TTC6: variants seen among roughly 807,000 people sequenced by gnomAD.
The protein encoded by TTC6 is tetratricopeptide repeat protein 6.
Under a neutral mutation model 210.4 loss-of-function variants are expected in TTC6, and 172 were observed. That is an observed-to-expected ratio of 0.82 (90% CI 0.72 to 0.93). TTC6 has a LOEUF of 0.93. TTC6 is among the 40% of genes least tolerant of loss of function. The pLI is 0.00. For synonymous variants in TTC6, 804 were observed against 819.6 expected, an observed-to-expected ratio of 0.98 and a Z score of 0.32; for missense variants, 2,414 against 2,318.1, an observed-to-expected ratio of 1.04 and a Z score of -0.85.
chr14:37,711,044 G>C (rs2095843825), intron 5 of TTC6, among the ~76,000 whole-genome samples: 1 of 152,012 alleles, frequency 6.6e-6, no homozygotes. Flanking sequence ...GGTCTGTGTT[G>C]GGGCTCAATA....
chr14:37,710,097 A>G (rs1260773739), intron 5 of TTC6, among the ~76,000 whole-genome samples: 1 of 152,184 alleles, frequency 6.6e-6, no homozygotes, highest in Non-Finnish European at 1.5e-5. Context: ...GCACTCTTCA[A>G]ATTTCCCTGT....
At chr14:37,817,213 C>A (rs924112546) in intron 25 of TTC6, among the ~76,000 whole-genome samples, 13 of 152,244 alleles carry the variant, frequency 8.5e-5, no homozygotes, top group Admixed American at 1.3e-4. Context: ...ATAGAGAAGT[C>A]TCCAGAGGAG....
chr14:37,745,338 A>T (rs2095932729), intron 10 of TTC6, among the ~76,000 whole-genome samples: 1 of 152,204 alleles, frequency 6.6e-6, no homozygotes, highest in East Asian at 1.9e-4. Context: ...CAGGAAAGTA[A>T]AATGGAGATA....
intron 3 of TTC6, among the ~76,000 whole-genome samples, chr14:37,684,662 C>G (rs2138573783): frequency 6.6e-6 from 1 of 152,264 alleles, no homozygotes; most frequent in South Asian, 2.1e-4. Context: ...ACTATTCCCA[C>G]CAAGTCTTCT....
intron 1 of TTC6, among the ~76,000 whole-genome samples, chr14:37,600,575 C>T (rs1179148711): frequency 6.6e-6 from 1 of 152,114 alleles, no homozygotes; most frequent in Non-Finnish European, 1.5e-5. Context: ...TATGTGATTA[C>T]CCTCAAATTA....
intron 17 of TTC6, among the ~76,000 whole-genome samples, chr14:37,794,539 C>T (rs1242778058): frequency 6.6e-6 from 1 of 152,104 alleles, no homozygotes; most frequent in Non-Finnish European, 1.5e-5. Context: ...GTTTCTGCGA[C>T]CAGTATTAAG....
chr14:37,708,508 G>C (rs909867104), intron 5 of TTC6, among the ~76,000 whole-genome samples: 2 of 152,004 alleles, frequency 1.3e-5, no homozygotes, highest in Non-Finnish European at 2.9e-5. Flanking sequence ...TTCAAGCCCA[G>C]GTCTTTATAA....
chr14:37,795,302 G>T lies in TTC6; in HGVS notation c.3741G>T (p.Leu1247Phe). 2.6e-6 allele frequency: 4 copies of T among 1,532,662 alleles called. No homozygotes were observed. In the South Asian group the frequency reaches 3.6e-5, roughly 14 times the overall value. The allele number at this position is 1,532,662 out of a possible 1,614,324, so 94.9% of individuals were successfully genotyped here. A position where few individuals can be genotyped will look rare whatever the true frequency, so the allele number is the denominator to read the frequency against. ...AATTGAAAAAGGCAGTAAATGAATT[G>T]TCTCGTGCTATCCACCTTCAGCCAG... The change falls in exon 18 of 31, where the codon TTG becomes TTT. Residue 1247 changes from leucine (L) to phenylalanine (F), a missense_variant. By Grantham distance (22) the Leu-to-Phe change is conservative (BLOSUM62 0). Coordinates refer to ENST00000553443, the Ensembl canonical transcript of TTC6.
chr14:37,701,464 G>T (rs1321605636), exon 5 of TTC6: 1 of 1,525,510 alleles, frequency 6.6e-7, no homozygotes. Context: ...ACGATACCCT[G>T]CTTGGAAAAT....
chr14:37,648,524 T>G (rs770414907), intron 1 of TTC6, among the ~76,000 whole-genome samples: 1 of 152,166 alleles, frequency 6.6e-6, no homozygotes, highest in Admixed American at 6.6e-5. Flanking sequence ...TTTCTTCTAC[T>G]GCATTTATCC....
intron 1 of TTC6, among the ~76,000 whole-genome samples, chr14:37,633,662 C>G (rs193250239): frequency 6.6e-6 from 1 of 152,358 alleles, no homozygotes; most frequent in Non-Finnish European, 1.5e-5. Flanking sequence ...TCCCCCTACC[C>G]CTTCCCAGTG....
At chr14:37,749,182 C>G (rs933400236) in exon 11 of TTC6, 4 of 1,534,424 alleles carry the variant, frequency 2.6e-6, no homozygotes, top group Non-Finnish European at 2.6e-6. Context: ...TTCCTGAAGA[C>G]CCACCTGAAA....
chr14:37,799,704 C>T (rs531115118), intron 20 of TTC6, among the ~76,000 whole-genome samples: 2 of 152,238 alleles, frequency 1.3e-5, no homozygotes, highest in African/African-American at 4.8e-5. Flanking sequence ...CCTTGAGGAC[C>T]TCAGGACAAT....
rs558476795 is a variant in TTC6 at position 37,766,042 on chromosome 14, C to A, written c.3266+12807C>A. 5.9e-5 allele frequency among the ~76,000 whole-genome samples: 9 copies of A among 152,156 alleles called. No homozygotes were observed. The East Asian group carries it at 9.7e-4, about 16-fold the overall frequency. The stretch of plus-strand genomic sequence containing the variant: ...GATCATAATGTGTCTCTATGTGAAA[C>A]TCTTTGAGTTCATCCTGATTGGAGT... On this transcript the variant is annotated intron_variant, in intron 14 of 30. Transcript: ENST00000553443.
intron 1 of TTC6, among the ~76,000 whole-genome samples, chr14:37,672,821 A>AT (rs377117749): frequency 0.1 from 13,088 of 128,990 alleles, 946 homozygotes; most frequent in African/African-American, 0.2. Flanking sequence ...TGAATTCCTC[A>AT]TTTTTTTTTT....
At chr14:37,684,328 A>G (rs1317372606) in intron 3 of TTC6, among the ~76,000 whole-genome samples, 1 of 152,124 alleles carries the variant, frequency 6.6e-6, no homozygotes, top group East Asian at 1.9e-4. Flanking sequence ...TTGATCTTCC[A>G]TGAATAACAG....
chr14:37,631,696 G>A (rs997691691), intron 1 of TTC6, among the ~76,000 whole-genome samples: 1 of 152,126 alleles, frequency 6.6e-6, no homozygotes, highest in African/African-American at 2.4e-5. Context: ...GGATAATATC[G>A]TGAAGAGTGT....
exon 1 of TTC6, chr14:37,622,317 T>C: frequency 6.5e-7 from 1 of 1,533,710 alleles, no homozygotes. Flanking sequence ...CCCTGCGATG[T>C]CCGCGGCCGC....
intron 14 of TTC6, among the ~76,000 whole-genome samples, chr14:37,760,750 A>G (rs896329682): frequency 6.6e-6 from 1 of 152,204 alleles, no homozygotes; most frequent in Non-Finnish European, 1.5e-5. Context: ...GTCTGGCCAC[A>G]GCCGCTTTGC....
Sources: allele counts gnomAD v4.1 joint callset (sites outside exome capture counted in the v4.1 genomes callset), GRCh38; gene constraint gnomAD v4.1.1; transcripts MANE v1.5; gene names NCBI Gene and HGNC (gene_info 2026-07-23, HGNC 2026-07-21).